The following GATAD2B variants were observed in gnomAD, a reference collection of about 807,000 sequenced individuals.
GATAD2B encodes GATA zinc finger domain containing 2B.
GATAD2B carries 8 observed loss-of-function variants against 64.3 expected under a neutral mutation model. The observed-to-expected ratio is 0.12, with a 90% confidence interval of 0.07 to 0.22. The LOEUF is 0.22. Ranked by LOEUF, GATAD2B falls within the 10% of genes least tolerant of loss-of-function variation. GATAD2B has a pLI of 1.00. For missense variants in GATAD2B, 453 were observed against 752.0 expected, an observed-to-expected ratio of 0.60 and a Z score of 4.65; for synonymous variants, 281 against 271.3, an observed-to-expected ratio of 1.04 and a Z score of -0.35.
chr1:153,879,217 G>C (rs1166689955), intron 1 of GATAD2B, among the ~76,000 whole-genome samples: 1 of 152,086 alleles, frequency 6.6e-6, no homozygotes, highest in Non-Finnish European at 1.5e-5. Context: ...TGGGATTACA[G>C]GCATGAGCCA....
chr1:153,864,061 C>G (rs1676398324), intron 1 of GATAD2B, among the ~76,000 whole-genome samples: 1 of 152,116 alleles, frequency 6.6e-6, no homozygotes, highest in Admixed American at 6.6e-5. Flanking sequence ...ACTAGGGGAG[C>G]AGAGTTTTGA....
At chr1:153,851,016 G>A (rs979832409) in intron 1 of GATAD2B, among the ~76,000 whole-genome samples, 6 of 151,836 alleles carry the variant, frequency 4.0e-5, no homozygotes, top group Non-Finnish European at 5.9e-5. Flanking sequence ...ATACATTAAT[G>A]TTGACTATAG....
chr1:153,865,057 G>C (rs1208204451), intron 1 of GATAD2B, among the ~76,000 whole-genome samples: 3 of 151,934 alleles, frequency 2.0e-5, no homozygotes, highest in Admixed American at 6.6e-5. Context: ...GTGACAGAGA[G>C]ACACTCCATT....
At chr1:153,850,507 C>T (rs1217826676) in intron 1 of GATAD2B, among the ~76,000 whole-genome samples, 2 of 152,022 alleles carry the variant, frequency 1.3e-5, no homozygotes, top group African/African-American at 2.4e-5. Context: ...ACTATGTTGG[C>T]GAGGGTGGTC....
intron 1 of GATAD2B, chr1:153,852,678 T>G: frequency 2.2e-6 from 2 of 905,992 alleles, no homozygotes; most frequent in Non-Finnish European, 3.7e-6. Flanking sequence ...TTGGCTTTTT[T>G]GCTTAGCTTC....
chr1:153,877,440 G>A (rs1676872428), intron 1 of GATAD2B, among the ~76,000 whole-genome samples: 1 of 151,538 alleles, frequency 6.6e-6, no homozygotes, highest in Non-Finnish European at 1.5e-5. Context: ...CAGCAATTAA[G>A]GCCTATGAGA....
At position 153,862,959 on chromosome 1, in the gene GATAD2B, G is replaced by A. The variant is rs1676362719; in HGVS notation, c.-1-34611C>T. On this transcript the variant is annotated intron_variant, in intron 1 of 10. Coordinates refer to ENST00000368655, the MANE Select transcript of GATAD2B (RefSeq NM_020699.4). The stretch of plus-strand genomic sequence containing the variant: ...GGCTGATCTCAAACTCCCGACCTCA[G>A]GTGATCTGCCCACCTCGGCCTCCCA... Among the ~76,000 whole-genome samples, 3 of 150,396 alleles carry A rather than the reference G, an allele frequency of 2.0e-5. No individual in the cohort carries two copies. In the South Asian group the frequency reaches 6.3e-4, roughly 32 times the overall value.
chr1:153,869,773 A>G (rs1434728684), intron 1 of GATAD2B, among the ~76,000 whole-genome samples: 3 of 152,166 alleles, frequency 2.0e-5, no homozygotes, highest in South Asian at 4.1e-4. Context: ...CGTAACATCC[A>G]TATCTTTTTC....
In GATAD2B at chr1:153,818,917, T is replaced by C. The variant is rs1338640631; in HGVS notation, c.471A>G (p.Lys157=). 6.2e-7 allele frequency: 1 copy of C among 1,610,076 alleles called. No homozygotes were observed. Among genetic ancestry groups the C allele is most frequent in the Non-Finnish European group, 8.5e-7 (1 of 1,179,874 alleles). ...TAAGCTGCTGCCGCTCCTCAATGCC[T>C]TTCCCCTAAGGAAACAAGAAGACTT... ...KAANLEMFKG[K]GIEERQQLIK... Residue 157 remains lysine, a synonymous_variant, in exon 4 of 11, where the codon AAA becomes AAG. Coordinates refer to ENST00000368655, the MANE Select transcript of GATAD2B (RefSeq NM_020699.4).
chr1:153,869,768 C>T (rs956380254), intron 1 of GATAD2B, among the ~76,000 whole-genome samples: 1 of 152,156 alleles, frequency 6.6e-6, no homozygotes, highest in Non-Finnish European at 1.5e-5. Context: ...ACACACGTAA[C>T]ATCCATATCT....
At chr1:153,830,532 G>A (rs1411476028) in intron 1 of GATAD2B, among the ~76,000 whole-genome samples, 3 of 139,994 alleles carry the variant, frequency 2.1e-5, no homozygotes, top group Non-Finnish European at 4.6e-5. Context: ...CTGGAGTGCA[G>A]TGGCGGGATC....
intron 1 of GATAD2B, among the ~76,000 whole-genome samples, chr1:153,897,435 G>A (rs1360581618): frequency 6.6e-6 from 1 of 152,166 alleles, no homozygotes; most frequent in East Asian, 1.9e-4. Context: ...AGAACAGAAT[G>A]ATCTTATGCA....
In GATAD2B at chr1:153,810,077, G is replaced by C; in HGVS notation, c.*100C>G. The stretch of plus-strand genomic sequence containing the variant: ...TTTTCTGTTTTGCTTTCCGTGTATG[G>C]TAGGCACCAGTACAGGCACTGCATG... On this transcript the variant is annotated 3_prime_UTR_variant, in exon 11 of 11. Coordinates refer to ENST00000368655, the MANE Select transcript of GATAD2B (RefSeq NM_020699.4). 1 of 1,165,874 alleles carries C rather than the reference G, an allele frequency of 8.6e-7. No homozygotes were observed. The highest frequency in any genetic ancestry group is 1.6e-5 in the South Asian group (1 of 63,530). 72.2% of individuals were successfully genotyped at this position (1,165,874 alleles called of 1,614,324 possible).
intron 1 of GATAD2B, among the ~76,000 whole-genome samples, chr1:153,861,809 T>TATATATATACAC (rs1294838675): frequency 5.7e-5 from 7 of 122,176 alleles, no homozygotes; most frequent in South Asian, 2.7e-4. Flanking sequence ...TATATATATA[T>TATATATATACAC]ACACATATGT....
At chr1:153,826,428 A>T (rs956975350) in intron 2 of GATAD2B, among the ~76,000 whole-genome samples, 1 of 152,030 alleles carries the variant, frequency 6.6e-6, no homozygotes, top group Admixed American at 6.5e-5. Flanking sequence ...CAGGAGTTCG[A>T]GACCAGCCGG....
rs185812893 is a variant in GATAD2B, at chr1:153,835,981, C to T, written c.-1-7633G>A. Among the ~76,000 whole-genome samples, 9 of 152,272 alleles carry T rather than the reference C, an allele frequency of 5.9e-5. No homozygotes were observed. The East Asian group carries it at 1.7e-3, about 29-fold the overall frequency. On this transcript the variant is annotated intron_variant, in intron 1 of 10. Coordinates refer to ENST00000368655, the MANE Select transcript of GATAD2B (RefSeq NM_020699.4). ...CAAGCAATCCTCCCGCCTCAGCCTT[C>T]CAGAGTGCTTGGATTACAGGCGTGA...
intron 1 of GATAD2B, among the ~76,000 whole-genome samples, chr1:153,913,064 G>C (rs548645191): frequency 9.9e-5 from 15 of 152,014 alleles, no homozygotes; most frequent in Admixed American, 3.9e-4. Context: ...CTCCAGCCTG[G>C]GCAACAAGAG....
rs539081656 is a variant in GATAD2B, at chr1:153,833,980, T to G, written c.-1-5632A>C. On this transcript the variant is annotated intron_variant, in intron 1 of 10. Transcript: ENST00000368655. ...ACAGTAAGACCCTGTCTCTCTCTCT[T>G]TTTTTTTATGTTTTTTTTTGGTTGT... is the stretch of plus-strand genomic sequence containing the variant. 4.0e-5 allele frequency among the ~76,000 whole-genome samples: 6 copies of G among 150,858 alleles called. No homozygotes were observed. The East Asian group carries it at 5.9e-4, about 15-fold the overall frequency.
chr1:153,852,348 G>A (rs1377941131), intron 1 of GATAD2B: 6 of 916,336 alleles, frequency 6.5e-6, no homozygotes, highest in African/African-American at 3.2e-5. Flanking sequence ...AGAACACTGA[G>A]TAGATGTCGC....
Sources: allele counts gnomAD v4.1 joint callset (sites outside exome capture counted in the v4.1 genomes callset), GRCh38; gene constraint gnomAD v4.1.1; transcripts MANE v1.5; gene names NCBI Gene and HGNC (gene_info 2026-07-23, HGNC 2026-07-21).